The following DLG2 variants were observed in gnomAD, a reference collection of about 807,000 sequenced individuals.
DLG2 encodes disks large homolog 2.
In DLG2, 45 loss-of-function variants were observed where a neutral mutation model predicts 132.5. That is an observed-to-expected ratio of 0.34 (90% CI 0.27 to 0.44). DLG2 has a LOEUF of 0.44. Among genes scored for constraint, DLG2 ranks in the 20% least tolerant of loss-of-function variants. The probability of loss-of-function intolerance (pLI) is 1.00; values close to 1 mark genes in which losing one functional copy is unlikely to be tolerated. For synonymous variants in DLG2, 424 were observed against 419.6 expected (o/e 1.01, Z -0.13); for missense variants, 1,045 against 1,196.9 (o/e 0.87, Z 1.87).
intron 7 of DLG2, among the ~76,000 whole-genome samples, chr11:84,456,876 T>C (rs1470245073): frequency 5.2e-4 from 78 of 151,206 alleles, no homozygotes; most frequent in Non-Finnish European, 8.9e-5. Context: ...TATTTGGAAG[T>C]GGTAAAAGGA....
At chr11:83,645,248 A>T (rs975746237) in intron 18 of DLG2, among the ~76,000 whole-genome samples, 1 of 152,176 alleles carries the variant, frequency 6.6e-6, no homozygotes, top group African/African-American at 2.4e-5. Context: ...AAAGAAAATG[A>T]CACTGAGTCC....
At chr11:85,140,432 T>A (rs184547335) in intron 5 of DLG2, among the ~76,000 whole-genome samples, 9 of 152,076 alleles carry the variant, frequency 5.9e-5, no homozygotes, top group African/African-American at 1.9e-4. Flanking sequence ...TTGTAACCTA[T>A]CTTTTTAAAA....
chr11:84,006,844 A>C (rs12286565), intron 11 of DLG2, among the ~76,000 whole-genome samples: 12,468 of 151,570 alleles, frequency 0.082, 587 homozygotes, highest in South Asian at 0.12. Context: ...CTCATGATTT[A>C]CTTTGAGCTT....
rs149617308 is a variant in DLG2 at position 84,919,465 on chromosome 11, T to A, written c.357+192196A>T. On this transcript the variant is annotated intron_variant, in intron 6 of 27. Coordinates refer to ENST00000376104, the MANE Select transcript of DLG2 (RefSeq NM_001142699.3). The stretch of plus-strand genomic sequence containing the variant: ...AAATTTTAAAAATAAAGGAGCAGAA[T>A]TCTTGAATTTATGCAGTAGGCAGCA... Among the ~76,000 whole-genome samples, 1,197 of 152,270 alleles carry A rather than the reference T, an allele frequency of 7.9e-3. 7 individuals carry two copies. The highest frequency in any genetic ancestry group is 0.014 in the Middle Eastern group (4 of 294).
rs553956627 is a variant in DLG2, at chr11:83,548,676, T to C, written c.1941-6818A>G. Among the ~76,000 whole-genome samples, 8 of 152,296 alleles carry C rather than the reference T, an allele frequency of 5.3e-5. No homozygotes were observed. In the East Asian group the frequency reaches 1.5e-3, roughly 29 times the overall value. On this transcript the variant is annotated intron_variant, in intron 19 of 27. Transcript: ENST00000376104. ...CTGTAAACAGTTTGAGATATAGGTATGATTATTTCTATTTTGTAGATAAAG... is the reference window on the plus strand; with the variant it reads ...CTGTAAACAGTTTGAGATATAGGTACGATTATTTCTATTTTGTAGATAAAG...
At position 84,511,716 on chromosome 11, in the gene DLG2, G is replaced by C. The variant is rs184187031; in HGVS notation, c.519+22854C>G. Among the ~76,000 whole-genome samples, 4 of 152,176 alleles carry C rather than the reference G, an allele frequency of 2.6e-5. No individual in the cohort carries two copies. The East Asian group carries it at 7.7e-4, about 29-fold the overall frequency. On this transcript the variant is annotated intron_variant, in intron 7 of 27. Transcript: ENST00000376104. ...AGTCTAATGGTGCTCCTGAGTGCTG[G>C]ATAACTGGCTGGTTCTTTATATACT...
At chr11:85,103,430 A>G (rs1374299852) in intron 6 of DLG2, among the ~76,000 whole-genome samples, 1 of 151,976 alleles carries the variant, frequency 6.6e-6, no homozygotes, top group Non-Finnish European at 1.5e-5. Context: ...AACAGAGTTG[A>G]AAGTCCATAA....
At chr11:84,478,437 G>A (rs1313475447) in intron 7 of DLG2, among the ~76,000 whole-genome samples, 4 of 151,700 alleles carry the variant, frequency 2.6e-5, no homozygotes, top group African/African-American at 7.3e-5. Context: ...CAATTTCATC[G>A]GCAGCATATA....
intron 3 of DLG2, chr11:85,452,402 A>G (rs1274189670): frequency 2.0e-5 from 3 of 153,490 alleles, no homozygotes; most frequent in Non-Finnish European, 2.9e-5. Context: ...GACCTTCTGT[A>G]GTCTCCACCA....
intron 6 of DLG2, among the ~76,000 whole-genome samples, chr11:84,547,486 G>C (rs2099392545): frequency 6.6e-6 from 1 of 152,136 alleles, no homozygotes; most frequent in South Asian, 2.1e-4. Context: ...GCCAGATATT[G>C]TACCATGTGC....
At chr11:84,148,209 A>T (rs2095159666) in intron 9 of DLG2, among the ~76,000 whole-genome samples, 1 of 152,114 alleles carries the variant, frequency 6.6e-6, no homozygotes, top group African/African-American at 2.4e-5. Context: ...GAATTTTACA[A>T]ATTATAATTT....
chr11:84,714,533 C>A (rs560248085), intron 6 of DLG2, among the ~76,000 whole-genome samples: 1 of 108,316 alleles, frequency 9.2e-6, no homozygotes. Flanking sequence ...TTTCCTCTTT[C>A]TCTTTCTCTT....
chr11:83,744,723 C>T (rs17548333), intron 18 of DLG2, among the ~76,000 whole-genome samples: 23,046 of 152,074 alleles, frequency 0.15, 2,210 homozygotes, highest in African/African-American at 0.27. Context: ...ACAGAAAATG[C>T]CTCATGAATG....
intron 5 of DLG2, among the ~76,000 whole-genome samples, chr11:85,140,229 A>G (rs2076377072): frequency 6.6e-6 from 1 of 151,780 alleles, no homozygotes; most frequent in African/African-American, 2.4e-5. Flanking sequence ...TTCTTTAGGG[A>G]CCTCCATACT....
At chr11:84,955,233 T>C (rs1229504805) in intron 6 of DLG2, 1 of 152,224 alleles carries the variant, frequency 6.6e-6, no homozygotes, top group Non-Finnish European at 1.5e-5. Context: ...GTAAAAGCTC[T>C]AAGTTTTTAT....
chr11:84,904,880 C>A (rs2091325726), intron 6 of DLG2, among the ~76,000 whole-genome samples: 1 of 152,106 alleles, frequency 6.6e-6, no homozygotes, highest in African/African-American at 2.4e-5. Flanking sequence ...TTATTAGGCT[C>A]ATTGTAATGT....
At chr11:85,121,551 G>T (rs1460951587) in intron 5 of DLG2, among the ~76,000 whole-genome samples, 1 of 151,884 alleles carries the variant, frequency 6.6e-6, no homozygotes, top group African/African-American at 2.4e-5. Flanking sequence ...AGGTGCAATT[G>T]TCTTCTAAGT....
chr11:84,856,253 C>T (rs561613848), intron 6 of DLG2, among the ~76,000 whole-genome samples: 6 of 152,022 alleles, frequency 3.9e-5, no homozygotes, highest in East Asian at 1.9e-4. Context: ...TGTGAAAGTA[C>T]GTTCATCAAT....
intron 5 of DLG2, among the ~76,000 whole-genome samples, chr11:85,145,297 T>C (rs182432028): frequency 1.6e-3 from 246 of 152,252 alleles, no homozygotes; most frequent in Admixed American, 3.5e-3. Flanking sequence ...ATTAAATGTG[T>C]TGAAGTAGTC....
Sources: gnomAD v4.1 joint callset for allele counts (sites outside exome capture counted in the v4.1 genomes callset) on GRCh38, gnomAD v4.1.1 for gene constraint, MANE v1.5 for transcripts, NCBI Gene and HGNC (gene_info 2026-07-23, HGNC 2026-07-21) for gene names.